The following ARSJ variants were observed in gnomAD, a reference collection of about 807,000 sequenced individuals.
The protein encoded by ARSJ is arylsulfatase family member J.
ARSJ carries 26 observed loss-of-function variants against 35.9 expected under a neutral mutation model. The ratio of observed to expected loss-of-function variants is 0.72; its 90% CI spans 0.53 to 1.00. The LOEUF is 1.00. Among genes scored for constraint, ARSJ ranks in the 50% least tolerant of loss-of-function variants. The pLI is 0.00. For synonymous variants in ARSJ, 294 were observed against 267.6 expected, an observed-to-expected ratio of 1.10 and a Z score of -0.96; for missense variants, 667 against 723.6, an observed-to-expected ratio of 0.92 and a Z score of 0.90.
intron 1 of ARSJ, among the ~76,000 whole-genome samples, chr4:113,958,776 C>A (rs1726355706): frequency 6.6e-6 from 1 of 151,990 alleles, no homozygotes; most frequent in South Asian, 2.1e-4. Context: ...TCTCTCATTT[C>A]TTTAATCTTC....
At chr4:113,908,452 A>G (rs1291187627) in intron 1 of ARSJ, among the ~76,000 whole-genome samples, 4 of 152,246 alleles carry the variant, frequency 2.6e-5, no homozygotes, top group African/African-American at 9.6e-5. Context: ...TAAATAAAAG[A>G]TATTTTATTT....
In ARSJ at chr4:113,902,442, A is replaced by C. The variant is rs2099667388; in HGVS notation, c.1632T>G (p.Pro544=). 1 of 1,613,732 alleles carries C rather than the reference A, an allele frequency of 6.2e-7. No individual in the cohort carries two copies. Among genetic ancestry groups the C allele is most frequent in the Middle Eastern group, 1.6e-4 (1 of 6,062 alleles). ...GTCCCCAGACCCCTCCATTGAGCCT[A>C]GGGTTACTTCTGGGGTCTTTGGGGG... ...RYPPKDPRSN[P]RLNGGVWGPW... Residue 544 remains proline (P), a synonymous_variant, in exon 2 of 2, where the codon CCT becomes CCG. Coordinates refer to ENST00000315366, the MANE Select transcript of ARSJ (RefSeq NM_024590.4).
intron 1 of ARSJ, among the ~76,000 whole-genome samples, chr4:113,964,689 C>T (rs1726778576): frequency 6.6e-6 from 1 of 151,980 alleles, no homozygotes. Context: ...AATAAATCAC[C>T]ATGGAGCGTT....
intron 1 of ARSJ, among the ~76,000 whole-genome samples, chr4:113,950,981 G>T (rs1725830760): frequency 6.6e-6 from 1 of 151,946 alleles, no homozygotes; most frequent in Non-Finnish European, 1.5e-5. Context: ...GAAAGGATTG[G>T]GAATAAAGGG....
At chr4:113,906,326 G>C (rs929411785) in intron 1 of ARSJ, among the ~76,000 whole-genome samples, 4 of 152,078 alleles carry the variant, frequency 2.6e-5, no homozygotes, top group African/African-American at 9.7e-5. Context: ...AGGAAAAGAG[G>C]CTTATGAAAA....
chr4:113,904,768 C>G (rs1297672954), intron 1 of ARSJ, among the ~76,000 whole-genome samples: 1 of 152,166 alleles, frequency 6.6e-6, no homozygotes, highest in Non-Finnish European at 1.5e-5. Flanking sequence ...GGATTGCAGG[C>G]GTGAGCCACA....
At position 113,930,605 on chromosome 4, in the gene ARSJ, A is replaced by AT. The variant is rs909130050; in HGVS notation, c.399-26931dup. Among the ~76,000 whole-genome samples the AT allele has an allele frequency of 8.5e-5, 13 of 152,136 alleles. No individual in the cohort carries two copies. In the South Asian group the frequency reaches 1.5e-3, roughly 17 times the overall value. ...TATAGCACCCAGTTTGAAAGTGAAC[A>AT]TTTTTTTTATAACTTAATTCTAAAA... On this transcript the variant is annotated intron_variant, in intron 1 of 1. Coordinates refer to ENST00000315366, the MANE Select transcript of ARSJ (RefSeq NM_024590.4).
At chr4:113,912,714 T>C (rs1723002190) in intron 1 of ARSJ, among the ~76,000 whole-genome samples, 1 of 150,874 alleles carries the variant, frequency 6.6e-6, no homozygotes, top group South Asian at 2.1e-4. Context: ...AGCACATCAA[T>C]TGTTGAATGA....
chr4:113,934,962 T>G (rs1377025218), intron 1 of ARSJ, among the ~76,000 whole-genome samples: 1 of 151,806 alleles, frequency 6.6e-6, no homozygotes, highest in Admixed American at 6.6e-5. Flanking sequence ...AATTAGAAAT[T>G]AATCTATTTT....
chr4:113,914,425 A>G (rs1364978831), intron 1 of ARSJ, among the ~76,000 whole-genome samples: 1 of 152,200 alleles, frequency 6.6e-6, no homozygotes, highest in Non-Finnish European at 1.5e-5. Flanking sequence ...AAGAAAAATT[A>G]TCAAAAGTTT....
intron 1 of ARSJ, among the ~76,000 whole-genome samples, chr4:113,934,225 C>A (rs1724629723): frequency 1.3e-5 from 2 of 151,712 alleles, no homozygotes; most frequent in Non-Finnish European, 1.5e-5. Flanking sequence ...AATAGAGCTA[C>A]CATGTAATAC....
In ARSJ at chr4:113,974,331, A is replaced by G. The variant is rs79649002; in HGVS notation, c.398+4106T>C. 0.013 allele frequency among the ~76,000 whole-genome samples: 2,033 copies of G among 152,144 alleles called. 114 individuals are homozygous for G. In the East Asian group the frequency reaches 0.16, roughly 12 times the overall value. ...GAAAAATCGCTAAAAAAAACCAAAC[A>G]CACCAAAACCACTAAAAAACATACA... On this transcript the variant is annotated intron_variant, in intron 1 of 1. Coordinates refer to ENST00000315366, the MANE Select transcript of ARSJ (RefSeq NM_024590.4).
intron 1 of ARSJ, among the ~76,000 whole-genome samples, chr4:113,916,674 A>T (rs1202792717): frequency 1.3e-5 from 2 of 151,674 alleles, no homozygotes; most frequent in Non-Finnish European, 2.9e-5. Flanking sequence ...TATCTTGCCC[A>T]CTCTCTTTCT....
At chr4:113,924,076 AATATATATATATATATATATATATAT>A (rs1164333093) in intron 1 of ARSJ, among the ~76,000 whole-genome samples, 2 of 95,758 alleles carry the variant, frequency 2.1e-5, no homozygotes, top group African/African-American at 9.6e-5. Context: ...AATATATATA[AATATATATATATATATATATATATAT>A]ATATATATAT....
At position 113,902,193 on chromosome 4, in the gene ARSJ, A is replaced by G; in HGVS notation, c.*81T>C. On this transcript the variant is annotated 3_prime_UTR_variant, in exon 2 of 2. Transcript: ENST00000315366. ...GACGCTTAGGCCAGCGATATTATCG[A>G]GCCAAATTTGCTGGTTTACCTAGGA... 1.3e-6 allele frequency: 2 copies of G among 1,599,482 alleles called. No individual in the cohort carries two copies. The highest frequency in any genetic ancestry group is 1.7e-6 in the Non-Finnish European group (2 of 1,179,928).
intron 1 of ARSJ, among the ~76,000 whole-genome samples, chr4:113,958,176 C>T (rs1336746365): frequency 6.6e-6 from 1 of 151,974 alleles, no homozygotes; most frequent in Admixed American, 6.6e-5. Context: ...TCCTTCCAAA[C>T]AAACCATGGA....
At chr4:113,917,108 C>T (rs934407644) in intron 1 of ARSJ, among the ~76,000 whole-genome samples, 2 of 151,988 alleles carry the variant, frequency 1.3e-5, no homozygotes, top group African/African-American at 4.8e-5. Context: ...GAAAGCATAC[C>T]CATTTTTGAT....
chr4:113,950,045 G>A (rs1316725820), intron 1 of ARSJ, among the ~76,000 whole-genome samples: 2 of 151,964 alleles, frequency 1.3e-5, no homozygotes, highest in Non-Finnish European at 2.9e-5. Context: ...CAGGCTCTGG[G>A]GGTTCATAGA....
At chr4:113,906,541 A>G (rs1200311131) in intron 1 of ARSJ, 2 of 222,278 alleles carry the variant, frequency 9.0e-6, no homozygotes, top group East Asian at 1.3e-4. Context: ...GCAGCTTATA[A>G]CAGGGAAGAG....
Sources: gnomAD v4.1 joint callset for allele counts (sites outside exome capture counted in the v4.1 genomes callset) on GRCh38, gnomAD v4.1.1 for gene constraint, MANE v1.5 for transcripts, NCBI Gene and HGNC (gene_info 2026-07-23, HGNC 2026-07-21) for gene names.